SRGAP2: variants seen among roughly 807,000 people sequenced by gnomAD.
SRGAP2 encodes the protein SLIT-ROBO Rho GTPase activating protein 2, also known as SLIT-ROBO Rho GTPase-activating protein 2.
A neutral mutation model predicts 57.2 loss-of-function variants in SRGAP2; 15 were observed. The observed-to-expected ratio is 0.26, with a 90% CI of 0.18 to 0.40. The LOEUF is 0.40. Ranked by LOEUF, SRGAP2 falls within the 10% of genes least tolerant of loss-of-function variation. SRGAP2 has a pLI of 1.00. For missense variants in SRGAP2, 520 were observed against 669.6 expected, an observed-to-expected ratio of 0.78 and a Z score of 2.47; for synonymous variants, 249 against 248.0, an observed-to-expected ratio of 1.00 and a Z score of -0.04.
intron 2 of SRGAP2, among the ~76,000 whole-genome samples, chr1:206,252,258 T>C (rs1454303380): frequency 1.3e-5 from 2 of 149,556 alleles, no homozygotes; most frequent in East Asian, 2.0e-4. Flanking sequence ...GCTTTTTTCT[T>C]TCTCTCTGTC....
At chr1:206,417,367 G>A (rs1163316250) in intron 11 of SRGAP2, among the ~76,000 whole-genome samples, 2 of 145,764 alleles carry the variant, frequency 1.4e-5, no homozygotes, top group East Asian at 4.1e-4. Flanking sequence ...GCTTCCCAAA[G>A]TGCTGGGATT....
chr1:206,253,710 T>C (rs1472451487), intron 2 of SRGAP2, among the ~76,000 whole-genome samples: 1 of 150,500 alleles, frequency 6.6e-6, no homozygotes, highest in African/African-American at 2.4e-5. Context: ...AGCTCCCGAG[T>C]AGCTGGGACT....
intron 18 of SRGAP2, among the ~76,000 whole-genome samples, chr1:206,448,883 T>C (rs946677742): frequency 4.6e-5 from 7 of 152,212 alleles, no homozygotes; most frequent in African/African-American, 1.7e-4. Context: ...GTTTATATTC[T>C]TCTAGAATGT....
intron 2 of SRGAP2, among the ~76,000 whole-genome samples, chr1:206,295,887 A>G (rs1433941544): frequency 6.6e-6 from 1 of 151,890 alleles, no homozygotes; most frequent in African/African-American, 2.4e-5. Flanking sequence ...TTTCTTTTTT[A>G]TATATCTTTT....
chr1:206,456,722 C>G (rs1445171838), intron 21 of SRGAP2, among the ~76,000 whole-genome samples: 1 of 152,156 alleles, frequency 6.6e-6, no homozygotes, highest in Non-Finnish European at 1.5e-5. Context: ...GCCTCATCAC[C>G]TGGTGGGTGG....
At chr1:206,411,452 A>G (rs1659217073) in intron 10 of SRGAP2, among the ~76,000 whole-genome samples, 2 of 152,224 alleles carry the variant, frequency 1.3e-5, no homozygotes, top group African/African-American at 4.8e-5. Flanking sequence ...TGTGCTGTCA[A>G]TTAAACTGGG....
chr1:206,209,723 A>C (rs1449938453), intron 2 of SRGAP2, among the ~76,000 whole-genome samples: 17 of 150,776 alleles, frequency 1.1e-4, no homozygotes, highest in Non-Finnish European at 2.2e-4. Context: ...TTCAAGGACT[A>C]CCCCCACTTC....
intron 17 of SRGAP2, among the ~76,000 whole-genome samples, chr1:206,443,592 G>A (rs1662499853): frequency 6.6e-6 from 1 of 152,018 alleles, no homozygotes; most frequent in South Asian, 2.1e-4. Context: ...GGCCAAGCTG[G>A]TCTCAAACTC....
intron 5 of SRGAP2, among the ~76,000 whole-genome samples, chr1:206,389,938 T>G (rs1239984182): frequency 6.6e-6 from 1 of 151,714 alleles, no homozygotes; most frequent in Non-Finnish European, 1.5e-5. Context: ...GCTATATGTC[T>G]AAGACATAGA....
chr1:206,370,366 A>G (rs1654418176), intron 4 of SRGAP2, among the ~76,000 whole-genome samples: 1 of 152,266 alleles, frequency 6.6e-6, no homozygotes, highest in African/African-American at 2.4e-5. Flanking sequence ...TGGCATACCT[A>G]TACAATTTAA....
chr1:206,230,877 C>T (rs1448262352), intron 2 of SRGAP2, among the ~76,000 whole-genome samples: 8 of 144,762 alleles, frequency 5.5e-5, no homozygotes, highest in South Asian at 2.1e-4. Context: ...CCGCTTACCT[C>T]GGCCTCTCAG....
At chr1:206,308,047 T>G (rs1160284042) in intron 3 of SRGAP2, among the ~76,000 whole-genome samples, 1 of 147,786 alleles carries the variant, frequency 6.8e-6, no homozygotes, top group Non-Finnish European at 1.5e-5. Flanking sequence ...TAAGATCACA[T>G]ACTAGGAATA....
At chr1:206,414,719 C>G (rs1287631327) in intron 10 of SRGAP2, among the ~76,000 whole-genome samples, 1 of 152,186 alleles carries the variant, frequency 6.6e-6, no homozygotes, top group Non-Finnish European at 1.5e-5. Context: ...CACTTGCTAG[C>G]TTGCAATGAT....
intron 2 of SRGAP2, among the ~76,000 whole-genome samples, chr1:206,227,686 C>G (rs568594076): frequency 1.4e-4 from 22 of 152,340 alleles, no homozygotes; most frequent in Admixed American, 9.1e-4. Flanking sequence ...TCTGTTCCAA[C>G]GCTTCTTTGC....
intron 3 of SRGAP2, chr1:206,333,418 G>A (rs1674528843): frequency 7.5e-7 from 1 of 1,325,278 alleles, no homozygotes; most frequent in East Asian, 2.3e-5. Context: ...GCTTCTTCAA[G>A]GTATCACTGA....
rs140710390 is a variant in SRGAP2 at position 206,326,791 on chromosome 1, G to A, written c.261-16055G>A. On this transcript the variant is annotated intron_variant, in intron 3 of 22. Transcript: ENST00000573034. ...TTTGCACATGATTCTTTCGTTTAAA[G>A]TCTCAGCTGCATTAGGCACAGAAGA... Among the ~76,000 whole-genome samples, 27 of 152,300 alleles carry A rather than the reference G, an allele frequency of 1.8e-4. No individual in the cohort carries two copies. In the East Asian group the frequency reaches 4.8e-3, roughly 27 times the overall value.
intron 4 of SRGAP2, among the ~76,000 whole-genome samples, chr1:206,352,779 T>C (rs1676129923): frequency 6.7e-6 from 1 of 150,346 alleles, no homozygotes; most frequent in African/African-American, 2.5e-5. Context: ...TAGATTCTTA[T>C]TATTGCTTAC....
At chr1:206,438,187 A>G (rs1183249123) in intron 16 of SRGAP2, 89 bp downstream of exon 16, 5 of 677,264 alleles carry the variant, frequency 7.4e-6, no homozygotes, top group South Asian at 6.5e-5. Flanking sequence ...GTGTGTTCTC[A>G]TAAGCTTTTC....
chr1:206,260,149 A>G (rs1420580296), intron 2 of SRGAP2, among the ~76,000 whole-genome samples: 3 of 97,034 alleles, frequency 3.1e-5, no homozygotes, highest in Non-Finnish European at 6.2e-5. Flanking sequence ...CCCGTCTTAC[A>G]TATAATATTC....
Sources: allele counts gnomAD v4.1 joint callset (sites outside exome capture counted in the v4.1 genomes callset), GRCh38; gene constraint gnomAD v4.1.1; transcripts MANE v1.5; gene names NCBI Gene and HGNC (gene_info 2026-07-23, HGNC 2026-07-21).